Variants in NCKAP1 observed in about 807,000 individuals in gnomAD.
The protein encoded by NCKAP1 is NCK associated protein 1.
Under a neutral mutation model 151.2 loss-of-function variants are expected in NCKAP1, and 21 were observed. That is an observed-to-expected ratio of 0.14 (90% CI 0.10 to 0.20). The LOEUF (loss-of-function observed/expected upper bound fraction) is 0.20, where lower values mean the gene tolerates loss of function less well. NCKAP1 is among the 10% of genes least tolerant of loss of function. The pLI is 1.00. For missense variants in NCKAP1, 933 were observed against 1,352.1 expected (o/e 0.69, Z 4.86); for synonymous variants, 484 against 451.8 (o/e 1.07, Z -0.90).
In NCKAP1 at chr2:182,916,997, T is replaced by C. The variant is rs1211743383; in HGVS notation, c.*8705A>G. 6.6e-6 allele frequency: 1 copy of C among 152,220 alleles called. No homozygotes were observed. The highest frequency in any genetic ancestry group is 1.5e-5 in the Non-Finnish European group (1 of 68,042). The allele number at this position is 152,220 out of a possible 1,614,324, so 9.4% of individuals were successfully genotyped here. On this transcript the variant is annotated 3_prime_UTR_variant, in exon 31 of 31. Coordinates refer to ENST00000361354, the MANE Select transcript of NCKAP1 (RefSeq NM_013436.5). ...TCATAAAAGCCATGAAAAAACTCTT[T>C]GAAGGCAATTTTATAAGTGAAACCA...
intron 2 of NCKAP1, chr2:183,022,765 G>A (rs752905175): frequency 1.3e-5 from 2 of 152,160 alleles, no homozygotes; most frequent in African/African-American, 2.4e-5. Context: ...ACATGGAAGC[G>A]TTTTTAAGCA....
chr2:183,028,217 A>C (rs185299581), intron 1 of NCKAP1, among the ~76,000 whole-genome samples: 1 of 152,160 alleles, frequency 6.6e-6, no homozygotes, highest in East Asian at 1.9e-4. Context: ...GAATTGACTA[A>C]AAGAGGTATT....
intron 20 of NCKAP1, among the ~76,000 whole-genome samples, chr2:182,954,416 C>T (rs1004003074): frequency 1.3e-5 from 2 of 152,170 alleles, no homozygotes; most frequent in African/African-American, 4.8e-5. Flanking sequence ...AGATCTTAGA[C>T]TTGTATTTGT....
Position 182,994,630 on chromosome 2 carries a change from C to A in NCKAP1, c.790+209G>T, listed in dbSNP as rs534416169. On this transcript the variant is annotated intron_variant, in intron 8 of 30. Transcript: ENST00000361354. The stretch of plus-strand genomic sequence containing the variant: ...CTCCACCCTGGATGACAGAGCAAGA[C>A]CTCATCTCAAAAAAAAAAGAAAAAA... 2.0e-5 allele frequency among the ~76,000 whole-genome samples: 3 copies of A among 150,676 alleles called. No homozygotes were observed. In the South Asian group the frequency reaches 6.3e-4, roughly 32 times the overall value.
intron 1 of NCKAP1, among the ~76,000 whole-genome samples, chr2:183,028,723 T>A (rs1370529577): frequency 6.6e-6 from 1 of 152,118 alleles, no homozygotes; most frequent in Non-Finnish European, 1.5e-5. Context: ...ACATATGTAG[T>A]TAATAAATAA....
intron 2 of NCKAP1, among the ~76,000 whole-genome samples, chr2:183,015,743 A>T (rs1698671476): frequency 6.6e-6 from 1 of 151,844 alleles, no homozygotes; most frequent in Non-Finnish European, 1.5e-5. Flanking sequence ...ATTAATATTT[A>T]ATTTTTTTCA....
Position 182,975,092 on chromosome 2 carries a change from G to C in NCKAP1, c.1482+1801C>G, listed in dbSNP as rs538934404. Among the ~76,000 whole-genome samples the C allele has an allele frequency of 2.4e-4, 36 of 152,280 alleles. 1 individual carries two copies. The highest frequency in any genetic ancestry group is 8.7e-4 in the African/African-American group (36 of 41,574). ...AGAACAGGAGATTGAAGCAGTTCAA[G>C]CTTTATGACAATGACTTTCAAAGTT... On this transcript the variant is annotated intron_variant, in intron 15 of 30. Transcript: ENST00000361354.
chr2:183,001,811 T>C (rs770805685), intron 6 of NCKAP1, 142 bp downstream of exon 6: 9 of 666,986 alleles, frequency 1.3e-5, no homozygotes, highest in Non-Finnish European at 2.3e-5. Context: ...TCCCTGTCTA[T>C]AATTAGATAA....
rs116056805 is a variant in NCKAP1 at position 183,016,822 on chromosome 2, G to A, written c.219+6984C>T. On this transcript the variant is annotated intron_variant, in intron 2 of 30. Coordinates refer to ENST00000361354, the MANE Select transcript of NCKAP1 (RefSeq NM_013436.5). ...GAGGGAGGAAGGGAGGGCGAAAGTA[G>A]GAGAGATTGGATGGCATACAAATCA... 8.6e-3 allele frequency among the ~76,000 whole-genome samples: 1,317 copies of A among 152,262 alleles called. 17 individuals carry two copies. Among genetic ancestry groups the A allele is most frequent in the African/African-American group, 0.03 (1,233 of 41,536 alleles).
At chr2:182,980,495 T>A (rs1697915071) in intron 13 of NCKAP1, among the ~76,000 whole-genome samples, 1 of 152,100 alleles carries the variant, frequency 6.6e-6, no homozygotes, top group Non-Finnish European at 1.5e-5. Context: ...CATGTAATTC[T>A]ATAAAGTGAA....
intron 23 of NCKAP1, among the ~76,000 whole-genome samples, chr2:182,946,118 T>A (rs1041919268): frequency 6.6e-6 from 1 of 152,082 alleles, no homozygotes; most frequent in South Asian, 2.1e-4. Flanking sequence ...CAAGTACACA[T>A]AGATAGTGCA....
chr2:182,988,807 CA>C (rs1034719863), intron 9 of NCKAP1, among the ~76,000 whole-genome samples: 3 of 152,018 alleles, frequency 2.0e-5, no homozygotes, highest in African/African-American at 4.8e-5. Flanking sequence ...TTTGAAAGGT[CA>C]GGTAACCTCA....
At chr2:183,031,977 T>C (rs1402127195) in intron 1 of NCKAP1, among the ~76,000 whole-genome samples, 1 of 152,178 alleles carries the variant, frequency 6.6e-6, no homozygotes, top group Non-Finnish European at 1.5e-5. Flanking sequence ...CAGTTAATAA[T>C]TAGCAGGAAA....
intron 23 of NCKAP1, 60 bp downstream of exon 23, chr2:182,952,345 C>A: frequency 9.4e-7 from 1 of 1,067,698 alleles, no homozygotes; most frequent in Non-Finnish European, 1.4e-6. Flanking sequence ...TTGCTCATAT[C>A]CCTGAAATGT....
At position 182,954,722 on chromosome 2, in the gene NCKAP1, G is replaced by A. The variant is rs181158469; in HGVS notation, c.2154-1391C>T. 6.2e-3 allele frequency among the ~76,000 whole-genome samples: 944 copies of A among 152,140 alleles called. 23 individuals carry two copies. Among genetic ancestry groups the A allele is most frequent in the Middle Eastern group, 0.01 (3 of 294 alleles). On this transcript the variant is annotated intron_variant, in intron 20 of 30. Transcript: ENST00000361354. Reference sequence around the variant, plus strand: ...AATTGCTTGAACTTGGGAGATGGAGGTTGCAGTGAGCTGAGATTGTGCCAC... The same window carrying A: ...AATTGCTTGAACTTGGGAGATGGAGATTGCAGTGAGCTGAGATTGTGCCAC...
chr2:183,037,916 A>T, intron 1 of NCKAP1, 76 bp downstream of exon 1: 1 of 1,132,078 alleles, frequency 8.8e-7, no homozygotes. Context: ...TGCCGCCCCC[A>T]CCCCACGGCC....
At chr2:182,966,579 C>T (rs1575035922) in intron 16 of NCKAP1, among the ~76,000 whole-genome samples, 1 of 152,176 alleles carries the variant, frequency 6.6e-6, no homozygotes, top group East Asian at 1.9e-4. Context: ...AGCCACCGCG[C>T]CTGGCCACCA....
At chr2:182,952,761 C>T (rs1212580632) in intron 22 of NCKAP1, 32 bp downstream of exon 22, 3 of 1,533,646 alleles carry the variant, frequency 2.0e-6, no homozygotes, top group Non-Finnish European at 1.8e-6. Context: ...AAGTGTTCTT[C>T]ATTCTCTAAA....
Position 182,982,910 on chromosome 2 carries a change from C to A in NCKAP1, c.1119G>T (p.Met373Ile). Residue 373 changes from methionine (M) to isoleucine (I), a missense_variant, in exon 12 of 31, where the codon ATG (methionine) becomes ATT (isoleucine). Met to Ile is a conservative substitution (Grantham distance 10, BLOSUM62 1). Transcript: ENST00000361354. Reference sequence around the variant, plus strand: ...TTTCATCACGGGCAAAGGATAATGCCATAAAAACAAAAAGTGCCTGTTTAA... The same window carrying A: ...TTTCATCACGGGCAAAGGATAATGCAATAAAAACAAAAAGTGCCTGTTTAA... ...LLGPKALFVF[M>I]ALSFARDEII... is the part of the protein sequence containing the mutation. 1 of 1,597,998 alleles carries A rather than the reference C, an allele frequency of 6.3e-7. No homozygotes were observed. The highest frequency in any genetic ancestry group is 8.5e-7 in the Non-Finnish European group (1 of 1,173,626).
Sources: allele counts gnomAD v4.1 joint callset (sites outside exome capture counted in the v4.1 genomes callset), GRCh38; gene constraint gnomAD v4.1.1; transcripts MANE v1.5; gene names NCBI Gene and HGNC (gene_info 2026-07-23, HGNC 2026-07-21).